PLXDC1: variants seen among roughly 807,000 people sequenced by gnomAD.
PLXDC1 encodes plexin domain-containing protein 1.
In PLXDC1, 39 loss-of-function variants were observed where a neutral mutation model predicts 61.3. The observed-to-expected ratio is 0.64, with a 90% CI of 0.49 to 0.83. PLXDC1 has a LOEUF of 0.83. PLXDC1 is among the 40% of genes least tolerant of loss of function. PLXDC1 has a pLI of 0.00. For synonymous variants in PLXDC1, 212 were observed against 254.5 expected, an observed-to-expected ratio of 0.83 and a Z score of 1.59; for missense variants, 596 against 666.5, an observed-to-expected ratio of 0.89 and a Z score of 1.17.
At chr17:39,082,683 A>G (rs1398833677) in intron 9 of PLXDC1, among the ~76,000 whole-genome samples, 3 of 152,194 alleles carry the variant, frequency 2.0e-5, no homozygotes, top group Non-Finnish European at 2.9e-5. Flanking sequence ...TGGAGTTCAT[A>G]GGACTTCCCA....
chr17:39,102,692 G>A lies in PLXDC1; in HGVS notation c.811+3162C>T, dbSNP rs74720131. 5.9e-3 allele frequency among the ~76,000 whole-genome samples: 849 copies of A among 144,900 alleles called. 8 individuals are homozygous for A. Among genetic ancestry groups the A allele is most frequent in the Non-Finnish European group, 8.8e-3 (587 of 66,986 alleles). On this transcript the variant is annotated intron_variant, in intron 7 of 13. Coordinates refer to ENST00000315392, the MANE Select transcript of PLXDC1 (RefSeq NM_020405.5). ...GTTCAAGTGCAGAAACACTGACATC[G>A]TATGCTATCAAATACACACACACAC...
At chr17:39,152,569 C>T (rs2045381218), upstream of PLXDC1, 1 of 1,248,028 alleles carries the variant, frequency 8.0e-7, no homozygotes, top group South Asian at 3.4e-5. Flanking sequence ...CGGCAAGGAG[C>T]TGGGGCGCTG....
At chr17:39,140,692 C>G (rs1025155433) in intron 1 of PLXDC1, among the ~76,000 whole-genome samples, 3 of 152,220 alleles carry the variant, frequency 2.0e-5, no homozygotes, top group Non-Finnish European at 4.4e-5. Flanking sequence ...GCCGTTGAGC[C>G]TTCCAAACCA....
chr17:39,083,204 A>T (rs1909623135), intron 9 of PLXDC1, among the ~76,000 whole-genome samples: 2 of 152,172 alleles, frequency 1.3e-5, no homozygotes, highest in African/African-American at 4.8e-5. Flanking sequence ...ACAGCTGTGG[A>T]ACACTCCGAG....
At chr17:39,118,180 CTCTG>C (rs998583548) in intron 2 of PLXDC1, among the ~76,000 whole-genome samples, 28 of 148,524 alleles carry the variant, frequency 1.9e-4, no homozygotes, top group South Asian at 4.3e-4. Context: ...TTCTTTCTCT[CTCTG>C]TCTGTCTGTC....
intron 2 of PLXDC1, among the ~76,000 whole-genome samples, chr17:39,119,127 C>T (rs1911080768): frequency 6.6e-6 from 1 of 152,160 alleles, no homozygotes; most frequent in Non-Finnish European, 1.5e-5. Context: ...TCCTTCATGT[C>T]CAGCCCTTGG....
intron 2 of PLXDC1, among the ~76,000 whole-genome samples, chr17:39,124,599 G>A (rs1360312603): frequency 6.6e-6 from 1 of 152,160 alleles, no homozygotes; most frequent in Admixed American, 6.5e-5. Context: ...TCTCAAAAAA[G>A]TTTTTAATTA....
chr17:39,120,728 A>G (rs1911135841), intron 2 of PLXDC1, among the ~76,000 whole-genome samples: 1 of 146,076 alleles, frequency 6.8e-6, no homozygotes, highest in African/African-American at 2.5e-5. Context: ...AGTAGCTGGG[A>G]TCACAGGCAT....
chr17:39,117,997 T>C (rs1314127668), intron 2 of PLXDC1, among the ~76,000 whole-genome samples: 2 of 152,102 alleles, frequency 1.3e-5, no homozygotes, highest in Non-Finnish European at 2.9e-5. Flanking sequence ...GCATCAGTGA[T>C]GCAATGAAAG....
intron 2 of PLXDC1, among the ~76,000 whole-genome samples, chr17:39,135,770 T>C (rs1911731026): frequency 6.6e-6 from 1 of 151,826 alleles, no homozygotes; most frequent in Admixed American, 6.6e-5. Context: ...CATGGGGAAC[T>C]TGAAACAACA....
At chr17:39,116,993 T>A (rs966380709) in intron 2 of PLXDC1, among the ~76,000 whole-genome samples, 5 of 152,216 alleles carry the variant, frequency 3.3e-5, no homozygotes, top group African/African-American at 9.6e-5. Flanking sequence ...GAACTGGGGA[T>A]CATGGCTCCG....
intron 2 of PLXDC1, among the ~76,000 whole-genome samples, chr17:39,120,376 A>G (rs1911123137): frequency 6.6e-6 from 1 of 151,956 alleles, no homozygotes; most frequent in Admixed American, 6.6e-5. Flanking sequence ...GGGCTCCCAA[A>G]GTGCTGGGAT....
intron 7 of PLXDC1, among the ~76,000 whole-genome samples, chr17:39,102,705 T>TACACACACACACACACACACACAC (rs553513409): frequency 5.1e-5 from 7 of 136,156 alleles, no homozygotes; most frequent in African/African-American, 2.0e-4. Context: ...TGCTATCAAA[T>TACACACACACACACACACACACAC]ACACACACAC....
At position 39,139,676 on chromosome 17, in the gene PLXDC1, G is replaced by A. The variant is rs969758205; in HGVS notation, c.233C>T (p.Pro78Leu). ...GGGTLAMDTLPDNRTRVVEDN... is the reference protein window; with the variant it reads ...GGGTLAMDTLLDNRTRVVEDN... ...CACCACCACCCTGGTCCTGTTATCT[G>A]GCAGCGTGTCCATGGCCAGGGTGCC... is the stretch of plus-strand genomic sequence containing the variant. The change falls in exon 2 of 14, where the codon CCA (proline) becomes CTA (leucine). Residue 78 changes from proline to leucine, a missense_variant. Physicochemically the swap from Pro to Leu is moderately conservative, Grantham distance 98 (BLOSUM62 -3). Coordinates refer to ENST00000315392, the MANE Select transcript of PLXDC1 (RefSeq NM_020405.5). 6.2e-7 allele frequency: 1 copy of A among 1,612,792 alleles called. No individual in the cohort carries two copies.
intron 2 of PLXDC1, among the ~76,000 whole-genome samples, chr17:39,129,711 G>GAGGGAAGGAAAGAAAGAAAGAAAGAAA (rs1249381083): frequency 9.2e-6 from 1 of 108,256 alleles, no homozygotes; most frequent in African/African-American, 3.6e-5. Context: ...AAAGAAAGAA[G>GAGGGAAGGAAAGAAAGAAAGAAAGAAA]GAAAGAAAGA....
intron 2 of PLXDC1, among the ~76,000 whole-genome samples, chr17:39,116,540 C>A (rs16234): frequency 0.13 from 19,426 of 152,230 alleles, 1,453 homozygotes; most frequent in Middle Eastern, 0.21. Flanking sequence ...TGTGGAGGAA[C>A]CAGCTGCCTC....
chr17:39,089,147 C>T (rs534083156), intron 7 of PLXDC1, among the ~76,000 whole-genome samples: 7 of 152,198 alleles, frequency 4.6e-5, no homozygotes, highest in Non-Finnish European at 1.0e-4. Context: ...AACACCCTTT[C>T]GTCTTCTGGA....
At chr17:39,084,914 C>G (rs563291731) in intron 8 of PLXDC1, among the ~76,000 whole-genome samples, 1 of 152,148 alleles carries the variant, frequency 6.6e-6, no homozygotes, top group Admixed American at 6.5e-5. Context: ...GACCTCTGAG[C>G]GGCAAGTAGC....
chr17:39,101,649 T>A (rs757320), intron 7 of PLXDC1, among the ~76,000 whole-genome samples: 5 of 151,888 alleles, frequency 3.3e-5, no homozygotes, highest in South Asian at 2.1e-4. Flanking sequence ...CAGTGGGCGC[T>A]TTGCCCTCAA....
Sources: gnomAD v4.1 joint callset for allele counts (sites outside exome capture counted in the v4.1 genomes callset) on GRCh38, gnomAD v4.1.1 for gene constraint, MANE v1.5 for transcripts, NCBI Gene and HGNC (gene_info 2026-07-23, HGNC 2026-07-21) for gene names.